ELMO1: variants seen among roughly 807,000 people sequenced by gnomAD.
ELMO1 encodes engulfment and cell motility 1, also known as engulfment and cell motility protein 1.
ELMO1 carries 26 observed loss-of-function variants against 98.9 expected under a neutral mutation model. The observed-to-expected ratio is 0.26, with a 90% CI of 0.19 to 0.36. ELMO1 has a LOEUF of 0.36. Ranked by LOEUF, ELMO1 falls within the 10% of genes least tolerant of loss-of-function variation. The probability of loss-of-function intolerance (pLI) is 1.00; values close to 1 mark genes in which losing one functional copy is unlikely to be tolerated. For synonymous variants in ELMO1, 346 were observed against 346.0 expected, an observed-to-expected ratio of 1.00 and a Z score of 0.00; for missense variants, 627 against 935.2, an observed-to-expected ratio of 0.67 and a Z score of 4.30.
intron 15 of ELMO1, among the ~76,000 whole-genome samples, chr7:37,048,348 TATAAA>T (rs1171542321): frequency 1.3e-5 from 2 of 151,972 alleles, no homozygotes; most frequent in African/African-American, 2.4e-5. Flanking sequence ...ATTACGCACT[TATAAA>T]ATAAATTCCC....
intron 16 of ELMO1, among the ~76,000 whole-genome samples, chr7:36,929,601 A>G (rs943921103): frequency 7.2e-5 from 11 of 152,192 alleles, no homozygotes; most frequent in Admixed American, 6.5e-4. Context: ...CCCAGCCCAG[A>G]ATGGTCAGCA....
chr7:37,085,659 C>A (rs767173882), intron 15 of ELMO1, among the ~76,000 whole-genome samples: 1 of 151,990 alleles, frequency 6.6e-6, no homozygotes, highest in African/African-American at 2.4e-5. Flanking sequence ...AAAAAAATAA[C>A]CCGTGGGTCC....
At chr7:36,873,613 T>TG (rs1284226237) in intron 19 of ELMO1, among the ~76,000 whole-genome samples, 11 of 152,142 alleles carry the variant, frequency 7.2e-5, no homozygotes, top group African/African-American at 2.7e-4. Flanking sequence ...GGTTAGTAGG[T>TG]GAAAAGAGCT....
At chr7:37,205,230 G>C (rs1792548145) in intron 13 of ELMO1, among the ~76,000 whole-genome samples, 1 of 152,182 alleles carries the variant, frequency 6.6e-6, no homozygotes, top group Non-Finnish European at 1.5e-5. Context: ...ATTTGCAGTA[G>C]TTATGTCCTA....
intron 15 of ELMO1, among the ~76,000 whole-genome samples, chr7:37,034,346 C>A (rs1402517402): frequency 1.3e-5 from 2 of 152,108 alleles, no homozygotes; most frequent in Non-Finnish European, 2.9e-5. Flanking sequence ...AGGAGACAGG[C>A]CCCAGGAACA....
At chr7:37,359,231 A>T (rs1323605811) in intron 1 of ELMO1, among the ~76,000 whole-genome samples, 1 of 152,226 alleles carries the variant, frequency 6.6e-6, no homozygotes, top group Non-Finnish European at 1.5e-5. Context: ...TGCAGATTAC[A>T]TCTAAAAATG....
At chr7:37,018,506 T>C (rs1418762136) in intron 15 of ELMO1, among the ~76,000 whole-genome samples, 1 of 151,430 alleles carries the variant, frequency 6.6e-6, no homozygotes, top group East Asian at 1.9e-4. Context: ...TTATGAAGTC[T>C]TGTTTTGTCG....
chr7:37,292,599 T>C (rs1271292312), intron 4 of ELMO1, among the ~76,000 whole-genome samples: 75 of 99,874 alleles, frequency 7.5e-4, no homozygotes, highest in Middle Eastern at 5.2e-3. Context: ...TCTGCCCTGC[T>C]GCCCCGTCCG....
chr7:37,149,452 A>T (rs1788216724), intron 13 of ELMO1, among the ~76,000 whole-genome samples: 1 of 152,196 alleles, frequency 6.6e-6, no homozygotes, highest in Admixed American at 6.5e-5. Context: ...TTGAGAGTCT[A>T]AAATGTTTTT....
At chr7:36,990,413 G>GC (rs1375406127) in intron 16 of ELMO1, among the ~76,000 whole-genome samples, 2 of 152,106 alleles carry the variant, frequency 1.3e-5, no homozygotes, top group Admixed American at 1.3e-4. Context: ...TGGATGATAG[G>GC]TAGCCTATCA....
At chr7:37,005,814 C>A (rs189286552) in intron 16 of ELMO1, among the ~76,000 whole-genome samples, 2 of 151,830 alleles carry the variant, frequency 1.3e-5, no homozygotes, top group East Asian at 3.9e-4. Context: ...CATCCTTTTC[C>A]TTTTCAGAGG....
At chr7:36,922,347 CAAAAAAAA>C (rs750588423) in intron 16 of ELMO1, among the ~76,000 whole-genome samples, 8 of 85,562 alleles carry the variant, frequency 9.3e-5, no homozygotes, top group South Asian at 3.8e-4. Flanking sequence ...CACAGACTTG[CAAAAAAAA>C]AAAAAAAAAA....
Position 37,188,496 on chromosome 7 carries a change from A to AT in ELMO1, c.1086+22889_1086+22890insA, listed in dbSNP as rs1468096238. 5.0e-3 allele frequency among the ~76,000 whole-genome samples: 439 copies of AT among 87,100 alleles called. 13 individuals are homozygous for AT. The highest frequency in any genetic ancestry group is 0.034 in the South Asian group (65 of 1,900). 57.1% of individuals were successfully genotyped at this position (87,100 alleles called of 152,430 possible). A position where few individuals can be genotyped will look rare whatever the true frequency, so the allele number is the denominator to read the frequency against. ...GGCCACTGGAGAAAGGTAAAAAAAA[A>AT]AAAAAAATAATAATAATAATAATAA... On this transcript the variant is annotated intron_variant, in intron 13 of 21. Coordinates refer to ENST00000310758, the MANE Select transcript of ELMO1 (RefSeq NM_014800.11).
intron 20 of ELMO1, among the ~76,000 whole-genome samples, chr7:36,869,250 G>C (rs370289271): frequency 6.8e-6 from 1 of 146,944 alleles, no homozygotes; most frequent in African/African-American, 2.5e-5. Context: ...CTCAACAAAG[G>C]AGTTCCCATG....
At chr7:37,013,097 C>A (rs1430190953) in intron 16 of ELMO1, among the ~76,000 whole-genome samples, 2 of 152,212 alleles carry the variant, frequency 1.3e-5, no homozygotes, top group Non-Finnish European at 2.9e-5. Context: ...AGCGTACCCC[C>A]AGAGGGATGA....
intron 16 of ELMO1, among the ~76,000 whole-genome samples, chr7:37,008,594 T>C (rs1465433713): frequency 1.3e-5 from 2 of 152,164 alleles, no homozygotes; most frequent in Non-Finnish European, 2.9e-5. Flanking sequence ...CACAACTACA[T>C]ATACCATTTT....
intron 18 of ELMO1, among the ~76,000 whole-genome samples, chr7:36,887,352 C>T (rs1805108631): frequency 6.6e-6 from 1 of 152,192 alleles, no homozygotes; most frequent in Non-Finnish European, 1.5e-5. Flanking sequence ...CAAAGAATGG[C>T]TCTTCATTTC....
intron 16 of ELMO1, among the ~76,000 whole-genome samples, chr7:36,940,504 C>A (rs552866579): frequency 1.3e-5 from 2 of 152,278 alleles, no homozygotes; most frequent in South Asian, 4.1e-4. Flanking sequence ...GGGCAAGATA[C>A]AATTGTAGTT....
At chr7:37,206,416 A>G (rs1386286155) in intron 13 of ELMO1, among the ~76,000 whole-genome samples, 1 of 152,232 alleles carries the variant, frequency 6.6e-6, no homozygotes, top group Non-Finnish European at 1.5e-5. Context: ...TACTCTCACA[A>G]TGACTGTTGA....
Sources: gnomAD v4.1 joint callset for allele counts (sites outside exome capture counted in the v4.1 genomes callset) on GRCh38, gnomAD v4.1.1 for gene constraint, MANE v1.5 for transcripts, NCBI Gene and HGNC (gene_info 2026-07-23, HGNC 2026-07-21) for gene names.